RBFOX1: variants seen among roughly 807,000 people sequenced by gnomAD.
RBFOX1 encodes RNA binding fox-1 homolog 1.
Under a neutral mutation model 57.7 loss-of-function variants are expected in RBFOX1, and 8 were observed. The observed-to-expected ratio is 0.14, with a 90% CI of 0.08 to 0.25. RBFOX1 has a LOEUF of 0.25. Ranked by LOEUF, RBFOX1 falls within the 10% of genes least tolerant of loss-of-function variation. RBFOX1 has a pLI of 1.00. For missense variants in RBFOX1, 611 were observed against 548.5 expected, an observed-to-expected ratio of 1.11 and a Z score of -1.14; for synonymous variants, 326 against 222.4, an observed-to-expected ratio of 1.47 and a Z score of -4.15.
chr16:5,690,455 G>C (rs544880138), intron 3 of RBFOX1, among the ~76,000 whole-genome samples: 1 of 152,104 alleles, frequency 6.6e-6, no homozygotes, highest in South Asian at 2.1e-4. Context: ...TCCCCACCAT[G>C]TTAGGAGAAC....
chr16:7,575,742 C>G, intron 5 of RBFOX1, among the ~76,000 whole-genome samples: 1 of 152,086 alleles, frequency 6.6e-6, no homozygotes, highest in South Asian at 2.1e-4. Flanking sequence ...AGACATAAAA[C>G]GCTGGCTGGT....
intron 2 of RBFOX1, among the ~76,000 whole-genome samples, chr16:6,512,596 T>C (rs2096277772): frequency 6.6e-6 from 1 of 152,198 alleles, no homozygotes; most frequent in Non-Finnish European, 1.5e-5. Context: ...TGGACACCCA[T>C]GACTGATCCT....
At chr16:5,326,787 A>G (rs2064587130) in intron 1 of RBFOX1, among the ~76,000 whole-genome samples, 1 of 152,246 alleles carries the variant, frequency 6.6e-6, no homozygotes, top group Non-Finnish European at 1.5e-5. Context: ...CATATCAGAA[A>G]GCCTTCTGCC....
chr16:6,678,112 A>AGTTTT (rs1171654623), intron 3 of RBFOX1, among the ~76,000 whole-genome samples: 30 of 152,228 alleles, frequency 2.0e-4, no homozygotes, highest in Non-Finnish European at 7.4e-5. Context: ...TTAAATTAAA[A>AGTTTT]GTTTTGTTTT....
intron 3 of RBFOX1, among the ~76,000 whole-genome samples, chr16:6,771,265 T>A (rs575296022): frequency 6.6e-6 from 1 of 152,278 alleles, no homozygotes; most frequent in East Asian, 1.9e-4. Flanking sequence ...TAAATTTCTG[T>A]TGTTTAAGCC....
chr16:6,828,035 C>G (rs1603629663), intron 3 of RBFOX1, among the ~76,000 whole-genome samples: 1 of 152,160 alleles, frequency 6.6e-6, no homozygotes, highest in African/African-American at 2.4e-5. Context: ...AATACTGGCA[C>G]TGGTAAACCC....
intron 1 of RBFOX1, among the ~76,000 whole-genome samples, chr16:6,100,486 A>G (rs1243708873): frequency 1.3e-5 from 2 of 152,168 alleles, no homozygotes; most frequent in Non-Finnish European, 2.9e-5. Context: ...TTCTAATGTG[A>G]TGCTTTGGTA....
chr16:5,952,125 A>G (rs1215281431), intron 4 of RBFOX1, among the ~76,000 whole-genome samples: 1 of 150,698 alleles, frequency 6.6e-6, no homozygotes, highest in East Asian at 1.9e-4. Context: ...ATACACACAC[A>G]CATATATATA....
At chr16:5,345,487 A>G (rs1596593822) in intron 1 of RBFOX1, among the ~76,000 whole-genome samples, 1 of 152,228 alleles carries the variant, frequency 6.6e-6, no homozygotes, top group African/African-American at 2.4e-5. Context: ...AATGAACTGC[A>G]GGCAGATCTT....
At chr16:5,333,223 A>T (rs142271424) in intron 1 of RBFOX1, among the ~76,000 whole-genome samples, 1 of 152,294 alleles carries the variant, frequency 6.6e-6, no homozygotes, top group African/African-American at 2.4e-5. Context: ...CACTAGAAAG[A>T]TAAGATTGAT....
intron 3 of RBFOX1, among the ~76,000 whole-genome samples, chr16:6,911,660 G>C (rs549211361): frequency 3.3e-5 from 5 of 152,216 alleles, no homozygotes; most frequent in African/African-American, 1.2e-4. Flanking sequence ...ATCTTTTGGT[G>C]GGAACAAAGT....
At chr16:6,302,927 G>A (rs1368336797) in intron 1 of RBFOX1, among the ~76,000 whole-genome samples, 3 of 152,184 alleles carry the variant, frequency 2.0e-5, no homozygotes, top group Admixed American at 6.5e-5. Context: ...TAGCATAAAT[G>A]ACTTGAAAAA....
chr16:6,541,866 A>G (rs1053847917), intron 2 of RBFOX1, among the ~76,000 whole-genome samples: 3 of 152,188 alleles, frequency 2.0e-5, no homozygotes, highest in Admixed American at 2.0e-4. Flanking sequence ...ATCTGAACAG[A>G]TTAACCCAAA....
intron 3 of RBFOX1, among the ~76,000 whole-genome samples, chr16:6,864,836 A>G (rs2059624644): frequency 6.6e-6 from 1 of 151,888 alleles, no homozygotes; most frequent in Non-Finnish European, 1.5e-5. Flanking sequence ...TGTTGAGGCC[A>G]TTTCCCTTTT....
At chr16:6,500,150 C>G (rs760187945) in intron 2 of RBFOX1, among the ~76,000 whole-genome samples, 3 of 152,104 alleles carry the variant, frequency 2.0e-5, no homozygotes, top group Admixed American at 6.5e-5. Context: ...TTCTAGAAAC[C>G]TTTGAGTCAC....
chr16:6,853,434 G>C (rs573560842), intron 3 of RBFOX1, among the ~76,000 whole-genome samples: 3 of 152,118 alleles, frequency 2.0e-5, no homozygotes, highest in African/African-American at 7.2e-5. Flanking sequence ...CAGCCATTGG[G>C]CTTCCTGGTT....
intron 4 of RBFOX1, among the ~76,000 whole-genome samples, chr16:7,177,180 C>A (rs1373542217): frequency 1.3e-5 from 2 of 152,130 alleles, no homozygotes; most frequent in Non-Finnish European, 2.9e-5. Context: ...AGTAGTTTTC[C>A]CCACATGGAG....
chr16:6,548,883 C>G (rs1277873587), intron 2 of RBFOX1, among the ~76,000 whole-genome samples: 1 of 151,794 alleles, frequency 6.6e-6, no homozygotes, highest in Non-Finnish European at 1.5e-5. Flanking sequence ...GGAGACCAGC[C>G]TGGCCAACAT....
chr16:5,256,468 G>A (rs573832529), intron 1 of RBFOX1, among the ~76,000 whole-genome samples: 9 of 152,276 alleles, frequency 5.9e-5, no homozygotes, highest in African/African-American at 1.7e-4. Context: ...AAGTGGGATT[G>A]GAAACCACAT....
Sources: allele counts gnomAD v4.1 joint callset (sites outside exome capture counted in the v4.1 genomes callset), GRCh38; gene constraint gnomAD v4.1.1; transcripts MANE v1.5; gene names NCBI Gene and HGNC (gene_info 2026-07-23, HGNC 2026-07-21).